The following DYNC2H1 variants were observed in gnomAD, a reference collection of about 807,000 sequenced individuals.
DYNC2H1 encodes cytoplasmic dynein 2 heavy chain 1.
DYNC2H1 carries 410 observed loss-of-function variants against 570.0 expected under a neutral mutation model. That is an observed-to-expected ratio of 0.72 (90% CI 0.66 to 0.78). DYNC2H1 has a LOEUF of 0.78. Ranked by LOEUF, DYNC2H1 falls within the 30% of genes least tolerant of loss-of-function variation. The pLI is 0.00. For missense variants in DYNC2H1, 4,865 were observed against 5,046.4 expected, an observed-to-expected ratio of 0.96 and a Z score of 1.09; for synonymous variants, 1,688 against 1,677.6, an observed-to-expected ratio of 1.01 and a Z score of -0.15.
chr11:103,128,807 A>G, intron 12 of DYNC2H1, 103 bp from the exon 13 acceptor site: 1 of 1,026,290 alleles, frequency 9.7e-7, no homozygotes. Context: ...TTTCTGTTTA[A>G]ATTTTAGGAT....
chr11:103,448,085 T>C (rs1217900040), intron 85 of DYNC2H1, among the ~76,000 whole-genome samples: 1 of 152,150 alleles, frequency 6.6e-6, no homozygotes, highest in African/African-American at 2.4e-5. Flanking sequence ...TTCCACCTTA[T>C]TGGATGCAGG....
intron 11 of DYNC2H1, 108 bp from the exon 12 acceptor site, chr11:103,124,992 A>G: frequency 2.7e-6 from 2 of 749,380 alleles, no homozygotes; most frequent in Non-Finnish European, 4.1e-6. Flanking sequence ...GTTTTTTTTT[A>G]CTTTGAGCTA....
intron 84 of DYNC2H1, among the ~76,000 whole-genome samples, chr11:103,423,381 T>C (rs1485587240): frequency 1.8e-5 from 2 of 112,964 alleles, no homozygotes; most frequent in Non-Finnish European, 4.0e-5. Context: ...GGTACTAGAG[T>C]AATTAAATAG....
intron 83 of DYNC2H1, among the ~76,000 whole-genome samples, chr11:103,372,967 A>C (rs1388401729): frequency 6.6e-6 from 1 of 152,002 alleles, no homozygotes; most frequent in Non-Finnish European, 1.5e-5. Flanking sequence ...GTTTGGAGAT[A>C]GGGTCTTGCT....
intron 11 of DYNC2H1, among the ~76,000 whole-genome samples, chr11:103,124,671 C>A (rs1858899209): frequency 6.6e-6 from 1 of 151,986 alleles, no homozygotes; most frequent in Admixed American, 6.6e-5. Flanking sequence ...GTTTTAATAT[C>A]TCTACTCCTA....
intron 75 of DYNC2H1, among the ~76,000 whole-genome samples, chr11:103,302,594 T>C (rs1423372663): frequency 6.6e-6 from 1 of 152,108 alleles, no homozygotes; most frequent in African/African-American, 2.4e-5. Context: ...GAAATAACTT[T>C]TTGGCCTATA....
rs553134358 is a variant in DYNC2H1, at chr11:103,433,182, C to T, written c.12367-2761C>T. 1.9e-3 allele frequency among the ~76,000 whole-genome samples: 291 copies of T among 152,116 alleles called. 1 individual carries two copies. Among genetic ancestry groups the T allele is most frequent in the South Asian group, 0.011 (53 of 4,816 alleles). ...TCACCTATTATGTTTTAATTCTCTACATATTTAACACTATGAAATATTTTT... is the reference window on the plus strand; with the variant it reads ...TCACCTATTATGTTTTAATTCTCTATATATTTAACACTATGAAATATTTTT... On this transcript the variant is annotated intron_variant, in intron 84 of 88. Coordinates refer to ENST00000375735, the MANE Select transcript of DYNC2H1 (RefSeq NM_001377.3).
rs1555063999 is a variant in DYNC2H1, at chr11:103,191,637, G to A, written c.7540+18G>A. 1 of 1,503,788 alleles carries A rather than the reference G, an allele frequency of 6.6e-7. No homozygotes were observed. Among genetic ancestry groups the A allele is most frequent in the Non-Finnish European group, 9.2e-7 (1 of 1,089,186 alleles). The allele number at this position is 1,503,788 out of a possible 1,614,324, so 93.2% of individuals were successfully genotyped here. A position where few individuals can be genotyped will look rare whatever the true frequency, so the allele number is the denominator to read the frequency against. ...AGAAGGAGGTGAGTTTTGCTAGTGT[G>A]TATCTTGTGTGTGTGTGTGTGTGTG... On this transcript the variant is annotated intron_variant, in intron 46 of 88. Transcript: ENST00000375735.
At chr11:103,424,860 G>A (rs998475585) in intron 84 of DYNC2H1, among the ~76,000 whole-genome samples, 1 of 152,140 alleles carries the variant, frequency 6.6e-6, no homozygotes. Flanking sequence ...CTATTTTATA[G>A]TATTTCTTCT....
intron 84 of DYNC2H1, among the ~76,000 whole-genome samples, chr11:103,434,995 A>G (rs993532099): frequency 6.6e-6 from 1 of 152,146 alleles, no homozygotes; most frequent in African/African-American, 2.4e-5. Flanking sequence ...CTCAAGAGGC[A>G]AAGTGTCAAA....
rs889590178 is a variant in DYNC2H1, at chr11:103,358,443, C to A, written c.12156+84C>A. On this transcript the variant is annotated intron_variant, in intron 83 of 88. Coordinates refer to ENST00000375735, the MANE Select transcript of DYNC2H1 (RefSeq NM_001377.3). ...GCTCCCCATTTCTGCCTGAGTCATA[C>A]AAGTAATCACATTGCAGAGGTTCCT... The A allele has an allele frequency of 4.3e-6, 4 of 934,144 alleles. No individual in the cohort carries two copies. The African/African-American group carries it at 4.8e-5, about 11-fold the overall frequency. The allele number at this position is 934,144 out of a possible 1,614,324, so 57.9% of individuals were successfully genotyped here.
chr11:103,195,276 C>T (rs1304416743), intron 47 of DYNC2H1, among the ~76,000 whole-genome samples: 1 of 152,076 alleles, frequency 6.6e-6, no homozygotes, highest in Admixed American at 6.6e-5. Context: ...CCTATGTTTT[C>T]CTTAAAAGTT....
intron 40 of DYNC2H1, among the ~76,000 whole-genome samples, chr11:103,183,813 T>C (rs1861950920): frequency 6.6e-6 from 1 of 151,924 alleles, no homozygotes; most frequent in Non-Finnish European, 1.5e-5. Flanking sequence ...TCCTATTTCT[T>C]CTTTCTCACA....
intron 17 of DYNC2H1, among the ~76,000 whole-genome samples, chr11:103,141,356 G>A (rs543779336): frequency 1.8e-3 from 279 of 152,264 alleles, no homozygotes; most frequent in African/African-American, 6.4e-3. Context: ...GGTCTTCAAT[G>A]ATGGTGATGT....
intron 83 of DYNC2H1, among the ~76,000 whole-genome samples, chr11:103,392,179 C>T (rs567112133): frequency 2.0e-5 from 3 of 152,228 alleles, no homozygotes; most frequent in Non-Finnish European, 4.4e-5. Flanking sequence ...CTTTGTTTAC[C>T]TACTCAAGCC....
rs376270462 is a variant in DYNC2H1 at position 103,117,897 on chromosome 11, A to G, written c.999+34A>G. Reference sequence around the variant, plus strand: ...TTGATTATCTAGATCTTTGTCTTTAAATGTAAAGTGTATCTTCACTTGTTT... The same window carrying G: ...TTGATTATCTAGATCTTTGTCTTTAGATGTAAAGTGTATCTTCACTTGTTT... On this transcript the variant is annotated intron_variant, in intron 6 of 88. Coordinates refer to ENST00000375735, the MANE Select transcript of DYNC2H1 (RefSeq NM_001377.3). The G allele has an allele frequency of 4.6e-6, 7 of 1,527,536 alleles. No individual in the cohort carries two copies. The African/African-American group carries it at 5.5e-5, about 12-fold the overall frequency. 94.6% of individuals were successfully genotyped at this position (1,527,536 alleles called of 1,614,324 possible).
rs1305733734 is a variant in DYNC2H1, at chr11:103,358,327, C to G, written c.12124C>G (p.Pro4042Ala). The G allele has an allele frequency of 1.3e-6, 2 of 1,583,308 alleles. No individual in the cohort carries two copies. The highest frequency in any genetic ancestry group is 1.7e-6 in the Non-Finnish European group (2 of 1,163,078). Residue 4042 changes from proline (P) to alanine (A), a missense_variant, in exon 83 of 89, where the codon CCT (proline) becomes GCT (alanine). Pro to Ala is a conservative substitution (Grantham distance 27, BLOSUM62 -1). Around this residue, in one of 5 missense-constraint regions of DYNC2H1, gnomAD observed 2,401 missense variants for 2,454.6 expected, o/e 0.98. Transcript: ENST00000375735. ...DREIWSNELS[P>A]VLNLWKKLNQ... ...AGAAATCTGGTCTAATGAACTTTCTCCTGTCCTCAATCTCTGGAAGAAACT... is the reference window on the plus strand; with the variant it reads ...AGAAATCTGGTCTAATGAACTTTCTGCTGTCCTCAATCTCTGGAAGAAACT...
At chr11:103,288,431 A>G (rs1866438158) in intron 75 of DYNC2H1, among the ~76,000 whole-genome samples, 1 of 152,008 alleles carries the variant, frequency 6.6e-6, no homozygotes, top group Non-Finnish European at 1.5e-5. Context: ...TTGGGAAGGA[A>G]TTTAGTTTAT....
At chr11:103,458,349 GGTTT>G (rs1944869144) in intron 87 of DYNC2H1, among the ~76,000 whole-genome samples, 1 of 152,034 alleles carries the variant, frequency 6.6e-6, no homozygotes, top group South Asian at 2.1e-4. Flanking sequence ...ATACCATCTA[GGTTT>G]GTTTAAGTAC....
Sources: gnomAD v4.1 joint callset for allele counts (sites outside exome capture counted in the v4.1 genomes callset) on GRCh38, gnomAD v4.1.1 for gene constraint, gnomAD v4.1.1 regional missense constraint, MANE v1.5 for transcripts, NCBI Gene and HGNC (gene_info 2026-07-23, HGNC 2026-07-21) for gene names.